Variants in PGBD1 observed in about 807,000 individuals in gnomAD.
The protein encoded by PGBD1 is piggyBac transposable element derived 1.
In PGBD1, 25 loss-of-function variants were observed where a neutral mutation model predicts 34.7. That is an observed-to-expected ratio of 0.72 (90% confidence interval 0.52 to 1.00). The LOEUF (loss-of-function observed/expected upper bound fraction) is 1.00. Ranked by LOEUF, PGBD1 falls within the 50% of genes least tolerant of loss-of-function variation. PGBD1 has a pLI of 0.00. For synonymous variants in PGBD1, 292 were observed against 335.7 expected (o/e 0.87, Z 1.42); for missense variants, 830 against 959.4 (o/e 0.87, Z 1.78).
rs1476113310 is a variant in PGBD1, at chr6:28,301,950, C to T, written c.2096C>T (p.Ser699Phe). ...WYGDGIISLC[S>F]NAVGIEPVNE... ...GGGGATGGCATTATCAGTCTGTGCT[C>T]CAATGCTGTGGGCATAGAACCAGTC... Residue 699 changes from serine (S) to phenylalanine (F), a missense_variant, in exon 7 of 7, where the codon TCC becomes TTC. Physicochemically the swap from Ser to Phe is radical, Grantham distance 155. Transcript: ENST00000682144. 2 of 1,614,098 alleles carry T rather than the reference C, an allele frequency of 1.2e-6. No homozygotes were observed. The highest frequency in any genetic ancestry group is 1.7e-6 in the Non-Finnish European group (2 of 1,180,018).
rs142658585 is a variant in PGBD1, at chr6:28,291,744, A to G, written c.642+4576A>G. 2.6e-5 allele frequency among the ~76,000 whole-genome samples: 4 copies of G among 152,316 alleles called. No individual in the cohort carries two copies. In the East Asian group the frequency reaches 7.7e-4, roughly 29 times the overall value. Reference sequence around the variant, plus strand: ...CTGAATTCAACAACACATTAAAAAGATCATTCACCATGATCAAGTGGGATT... The same window carrying G: ...CTGAATTCAACAACACATTAAAAAGGTCATTCACCATGATCAAGTGGGATT... On this transcript the variant is annotated intron_variant, in intron 4 of 6. Transcript: ENST00000682144.
intron 6 of PGBD1, among the ~76,000 whole-genome samples, chr6:28,299,900 CTGAGGCAGGAGAATTGCTTGAACCTG>C (rs1443286732): frequency 1.3e-5 from 2 of 151,270 alleles, no homozygotes; most frequent in Non-Finnish European, 2.9e-5. Context: ...ACTCGGGAGG[CTGAGGCAGGAGAATTGCTTGAACCTG>C]GGAGGCAGAG....
intron 2 of PGBD1, 27 bp from the exon 3 acceptor site, chr6:28,285,524 C>A: frequency 1.2e-6 from 2 of 1,609,652 alleles, no homozygotes; most frequent in South Asian, 2.2e-5. Flanking sequence ...TATGCATGCC[C>A]TTTCAAAATA....
chr6:28,301,352 T>C lies in PGBD1; in HGVS notation c.1498T>C (p.Leu500=), dbSNP rs1441247330. The C allele has an allele frequency of 3.7e-6, 6 of 1,614,142 alleles. No homozygotes were observed. In the East Asian group the frequency reaches 8.9e-5, roughly 24 times the overall value. Reference sequence around the variant, plus strand: ...TGCAATCAGAAGGGACAGATTTGAATTGATTTTCTCAAACCTGCACTTTGC... The same window carrying C: ...TGCAATCAGAAGGGACAGATTTGAACTGATTTTCTCAAACCTGCACTTTGC... ...RDAIRRDRFE[L]IFSNLHFADN... Residue 500 remains leucine (L), a synonymous_variant, in exon 7 of 7, where the codon TTG becomes CTG. Coordinates refer to ENST00000682144, the MANE Select transcript of PGBD1 (RefSeq NM_032507.4).
chr6:28,285,522 C>T (rs777945100), intron 2 of PGBD1, 29 bp from the exon 3 acceptor site: 2 of 1,607,984 alleles, frequency 1.2e-6, no homozygotes, highest in African/African-American at 2.7e-5. Context: ...TATATGCATG[C>T]CCTTTCAAAA....
At position 28,302,279 on chromosome 6, in the gene PGBD1, GATTAGGGTACATAAA is replaced by G. The variant is rs759027213; in HGVS notation, c.2428_*12del. 9 of 1,606,862 alleles carry G rather than the reference GATTAGGGTACATAAA, an allele frequency of 5.6e-6. No individual in the cohort carries two copies. The highest frequency in any genetic ancestry group is 4.4e-5 in the South Asian group (4 of 90,482). ...CTTGGAACACAATGCTCATCTGTCA[GATTAGGGTACATAAA>G]ATGGACATAGTGCAGACATTAATAA... On this transcript the variant is annotated stop_lost and 3_prime_UTR_variant, in exon 7 of 7. Transcript: ENST00000682144.
Position 28,281,755 on chromosome 6 carries a change from C to A in PGBD1, c.-202C>A. Reference sequence around the variant, plus strand: ...GTTCCTGAACTTTTGGTCCATTAACCAACAATTAGACACGCCGGTATTCAG... The same window carrying A: ...GTTCCTGAACTTTTGGTCCATTAACAAACAATTAGACACGCCGGTATTCAG... On this transcript the variant is annotated 5_prime_UTR_variant, in exon 1 of 7. Transcript: ENST00000682144. The A allele has an allele frequency of 4.4e-6, 1 of 228,792 alleles. No individual in the cohort carries two copies. The highest frequency in any genetic ancestry group is 8.4e-6 in the Non-Finnish European group (1 of 118,694). 14.2% of individuals were successfully genotyped at this position (228,792 alleles called of 1,614,324 possible).
At chr6:28,284,569 G>A (rs1305247034) in intron 2 of PGBD1, among the ~76,000 whole-genome samples, 2 of 152,106 alleles carry the variant, frequency 1.3e-5, no homozygotes, top group Non-Finnish European at 2.9e-5. Context: ...GCAGTGGTAC[G>A]ATCATAGCAT....
intron 3 of PGBD1, 77 bp downstream of exon 3, chr6:28,285,784 T>G (rs1229114192): frequency 2.1e-6 from 3 of 1,419,394 alleles, no homozygotes; most frequent in Admixed American, 2.2e-5. Context: ...GACCTCAAGT[T>G]TGTATACATT....
chr6:28,297,997 T>C lies in PGBD1; in HGVS notation c.869+6T>C. The C allele has an allele frequency of 6.4e-7, 1 of 1,570,404 alleles. No homozygotes were observed. Among genetic ancestry groups the C allele is most frequent in the Non-Finnish European group, 8.7e-7 (1 of 1,143,326 alleles). The stretch of plus-strand genomic sequence containing the variant: ...GCCTCAGGAAAGCCCAACAGGTGAG[T>C]GTCCATGGTCCTCAGTGAATCAAAT... On this transcript the variant is annotated splice_donor_region_variant and intron_variant, in intron 6 of 6. Coordinates refer to ENST00000682144, the MANE Select transcript of PGBD1 (RefSeq NM_032507.4).
In PGBD1 at chr6:28,296,334, A is replaced by G. The variant is rs567211905; in HGVS notation, c.643-482A>G. On this transcript the variant is annotated intron_variant, in intron 4 of 6. Transcript: ENST00000682144. ...ATTATATTGAAGTGCTGTTCAACCA[A>G]ATACATAGAAAATGCTGTAAAATAG... 6.0e-4 allele frequency among the ~76,000 whole-genome samples: 91 copies of G among 152,362 alleles called. 4 individuals carry two copies. The South Asian group carries it at 0.017, about 29-fold the overall frequency.
At chr6:28,298,141 A>G (rs1762716204) in intron 6 of PGBD1, 150 bp downstream of exon 6, 1 of 674,816 alleles carries the variant, frequency 1.5e-6, no homozygotes, top group Non-Finnish European at 2.6e-6. Flanking sequence ...GTCCATGCCA[A>G]GAAAGTGACC....
At chr6:28,285,838 C>T in intron 3 of PGBD1, 131 bp downstream of exon 3, 1 of 903,684 alleles carries the variant, frequency 1.1e-6, no homozygotes, top group Non-Finnish European at 1.6e-6. Flanking sequence ...TCACAGTTAC[C>T]TTTTATGTGT....
intron 4 of PGBD1, among the ~76,000 whole-genome samples, chr6:28,290,148 T>C (rs1762402103): frequency 6.6e-6 from 1 of 152,190 alleles, no homozygotes; most frequent in Non-Finnish European, 1.5e-5. Context: ...CTGGCTGGAG[T>C]GCAGTGGTAT....
At chr6:28,285,342 G>A (rs1447949344) in intron 2 of PGBD1, among the ~76,000 whole-genome samples, 5 of 152,156 alleles carry the variant, frequency 3.3e-5, no homozygotes, top group African/African-American at 9.7e-5. Flanking sequence ...GACATTTTGA[G>A]GTGGTGTACA....
At chr6:28,287,050 A>T in intron 3 of PGBD1, 30 bp from the exon 4 acceptor site, 1 of 1,567,570 alleles carries the variant, frequency 6.4e-7, no homozygotes, top group Non-Finnish European at 8.8e-7. Flanking sequence ...ATCATGTCTC[A>T]TTTAGGACTC....
chr6:28,282,231 T>C (rs1414188142), intron 1 of PGBD1, among the ~76,000 whole-genome samples: 2 of 152,172 alleles, frequency 1.3e-5, no homozygotes, highest in African/African-American at 2.4e-5. Flanking sequence ...CATAAGAAAT[T>C]TGGGAAGACC....
In PGBD1 at chr6:28,284,084, C is replaced by T; in HGVS notation, c.271C>T (p.Gln91Ter). Reference sequence around the variant, plus strand: ...GATAATGGAACTGCTGGTGCTGGAGCAGTTCCTGACCATCCTGCCCAAGGA... The same window carrying T: ...GATAATGGAACTGCTGGTGCTGGAGTAGTTCCTGACCATCCTGCCCAAGGA... ...EQIMELLVLE[Q>*]FLTILPKELQ... Residue 91 changes from glutamine to a stop codon, truncating the protein, a stop_gained, in exon 2 of 7, where the codon CAG (glutamine) becomes TAG (stop). Coordinates refer to ENST00000682144, the MANE Select transcript of PGBD1 (RefSeq NM_032507.4). LOFTEE classifies it high-confidence loss of function. 1 of 1,614,144 alleles carries T rather than the reference C, an allele frequency of 6.2e-7. No homozygotes were observed. Among genetic ancestry groups the T allele is most frequent in the Non-Finnish European group, 8.5e-7 (1 of 1,180,014 alleles).
intron 4 of PGBD1, among the ~76,000 whole-genome samples, chr6:28,287,658 A>G (rs1161272356): frequency 6.6e-6 from 1 of 151,290 alleles, no homozygotes; most frequent in Non-Finnish European, 1.5e-5. Flanking sequence ...TTTTTTTCTT[A>G]TTAGTGGTTC....
Sources: allele counts gnomAD v4.1 joint callset (sites outside exome capture counted in the v4.1 genomes callset), GRCh38; gene constraint gnomAD v4.1.1; transcripts MANE v1.5; gene names NCBI Gene and HGNC (gene_info 2026-07-23, HGNC 2026-07-21).